The following ZBTB10 variants were observed in gnomAD, a reference collection of about 807,000 sequenced individuals.
The protein encoded by ZBTB10 is zinc finger and BTB domain containing 10.
ZBTB10 carries 32 observed loss-of-function variants against 76.4 expected under a neutral mutation model. That is an observed-to-expected ratio of 0.42 (90% CI 0.32 to 0.56). The LOEUF (loss-of-function observed/expected upper bound fraction) is 0.56. ZBTB10 is among the 20% of genes least tolerant of loss of function. The pLI, the probability that ZBTB10 is intolerant of heterozygous loss-of-function variation, is 0.14. For synonymous variants in ZBTB10, 523 were observed against 432.9 expected, an observed-to-expected ratio of 1.21 and a Z score of -2.58; for missense variants, 1,057 against 1,098.5, an observed-to-expected ratio of 0.96 and a Z score of 0.53.
chr8:80,485,735 G>A, upstream of ZBTB10: 2 of 1,506,102 alleles, frequency 1.3e-6, no homozygotes, highest in African/African-American at 1.4e-5. Context: ...TCTTTGTGAA[G>A]GAACAAAATA....
intron 2 of ZBTB10, among the ~76,000 whole-genome samples, chr8:80,504,990 G>A (rs988220786): frequency 6.6e-6 from 1 of 152,048 alleles, no homozygotes; most frequent in African/African-American, 2.4e-5. Flanking sequence ...CATGGAACAT[G>A]GTTTTCTGAG....
chr8:80,514,868 A>G (rs1038988257), intron 3 of ZBTB10, among the ~76,000 whole-genome samples: 1 of 152,324 alleles, frequency 6.6e-6, no homozygotes, highest in South Asian at 2.1e-4. Context: ...TTCTTGAGAA[A>G]CTGTTTAGCT....
chr8:80,493,211 A>ACT (rs1166230008), intron 1 of ZBTB10, among the ~76,000 whole-genome samples: 1 of 95,806 alleles, frequency 1.0e-5, no homozygotes, highest in African/African-American at 4.6e-5. Flanking sequence ...GCGCGCGCAC[A>ACT]CACACACACA....
At position 80,492,648 on chromosome 8, in the gene ZBTB10, T is replaced by G. The variant is rs563406118; in HGVS notation, c.972+4866T>G. ...CACATGCCACCATGCTAGGCTAATT[T>G]TTGTATTTCTAGTAGAGACGGGGTT... On this transcript the variant is annotated intron_variant, in intron 1 of 5. Coordinates refer to ENST00000455036, the MANE Select transcript of ZBTB10 (RefSeq NM_001105539.3). Among the ~76,000 whole-genome samples, 16 of 152,050 alleles carry G rather than the reference T, an allele frequency of 1.1e-4. No individual in the cohort carries two copies. In the East Asian group the frequency reaches 3.1e-3, roughly 30 times the overall value.
chr8:80,491,460 C>T (rs1275728374), intron 1 of ZBTB10, among the ~76,000 whole-genome samples: 1 of 152,154 alleles, frequency 6.6e-6, no homozygotes, highest in Admixed American at 6.5e-5. Flanking sequence ...AGGTTACTTT[C>T]CTCTAAGTAA....
rs1816412173 is a variant in ZBTB10, at chr8:80,519,714, A to G, written c.*186A>G. On this transcript the variant is annotated 3_prime_UTR_variant, in exon 6 of 6. Coordinates refer to ENST00000455036, the MANE Select transcript of ZBTB10 (RefSeq NM_001105539.3). ...TTTTTATATTTGCACAGGACTATAC[A>G]GCAAACAACCATGTGGTTGGATTAC... The G allele has an allele frequency of 1.9e-6, 1 of 534,662 alleles. No individual in the cohort carries two copies. Among genetic ancestry groups the G allele is most frequent in the Non-Finnish European group, 3.3e-6 (1 of 306,192 alleles). 33.1% of individuals were successfully genotyped at this position (534,662 alleles called of 1,614,324 possible). A position where few individuals can be genotyped will look rare whatever the true frequency, so the allele number is the denominator to read the frequency against.
At chr8:80,503,494 A>ATTT (rs1361616272) in intron 2 of ZBTB10, among the ~76,000 whole-genome samples, 1 of 149,532 alleles carries the variant, frequency 6.7e-6, no homozygotes, top group Non-Finnish European at 1.5e-5. Flanking sequence ...GAATAGTGTA[A>ATTT]TTTATTATTT....
At chr8:80,497,683 CTTTTTTTTT>C (rs397891910) in intron 1 of ZBTB10, among the ~76,000 whole-genome samples, 2 of 87,632 alleles carry the variant, frequency 2.3e-5, no homozygotes, top group African/African-American at 9.4e-5. Flanking sequence ...GTCCTGGAAT[CTTTTTTTTT>C]TTTTTTTTTT....
At chr8:80,513,279 A>G (rs1041873256) in intron 2 of ZBTB10, among the ~76,000 whole-genome samples, 3 of 152,102 alleles carry the variant, frequency 2.0e-5, no homozygotes, top group African/African-American at 7.2e-5. Context: ...AGTAGCTGGG[A>G]CTACAGGTGT....
intron 1 of ZBTB10, among the ~76,000 whole-genome samples, chr8:80,493,667 C>T (rs866267522): frequency 7.7e-6 from 1 of 130,408 alleles, no homozygotes; most frequent in Non-Finnish European, 1.7e-5. Flanking sequence ...AAAAACAAAA[C>T]AAAAAAAAAA....
chr8:80,486,231 C>T lies in ZBTB10; in HGVS notation c.-580C>T, dbSNP rs1395382803. The T allele has an allele frequency of 9.6e-7, 1 of 1,046,758 alleles. No individual in the cohort carries two copies. Among genetic ancestry groups the T allele is most frequent in the Non-Finnish European group, 1.1e-6 (1 of 871,030 alleles). 64.8% of individuals were successfully genotyped at this position (1,046,758 alleles called of 1,614,324 possible). A position where few individuals can be genotyped will look rare whatever the true frequency, so the allele number is the denominator to read the frequency against. On this transcript the variant is annotated 5_prime_UTR_variant, in exon 1 of 6. Transcript: ENST00000455036. Reference sequence around the variant, plus strand: ...GGGCGCACGGTCCGTTGTTCATTTGCCATTCGACCTCCGCCAGGGCCTGGT... The same window carrying T: ...GGGCGCACGGTCCGTTGTTCATTTGTCATTCGACCTCCGCCAGGGCCTGGT...
chr8:80,513,514 G>A (rs1816250712), intron 2 of ZBTB10, among the ~76,000 whole-genome samples: 1 of 152,162 alleles, frequency 6.6e-6, no homozygotes, highest in Admixed American at 6.5e-5. Flanking sequence ...TATACATCTA[G>A]TACTTACTAG....
chr8:80,517,166 A>C (rs1055422035), intron 3 of ZBTB10, among the ~76,000 whole-genome samples: 5 of 152,088 alleles, frequency 3.3e-5, no homozygotes, highest in Non-Finnish European at 7.4e-5. Context: ...TTGTAAGCTG[A>C]GTGGTGACCT....
chr8:80,507,613 CAAAAA>C (rs796205066), intron 2 of ZBTB10, among the ~76,000 whole-genome samples: 6 of 148,368 alleles, frequency 4.0e-5, no homozygotes, highest in Admixed American at 3.3e-4. Flanking sequence ...GACTCCATCT[CAAAAA>C]AAAAATCTCC....
intron 1 of ZBTB10, among the ~76,000 whole-genome samples, chr8:80,490,549 T>G (rs1194887346): frequency 6.6e-6 from 1 of 152,210 alleles, no homozygotes; most frequent in Non-Finnish European, 1.5e-5. Context: ...TTATTACTCA[T>G]TTTGATCACC....
intron 1 of ZBTB10, among the ~76,000 whole-genome samples, chr8:80,492,179 A>G (rs1815648319): frequency 6.6e-6 from 1 of 152,184 alleles, no homozygotes; most frequent in Admixed American, 6.5e-5. Flanking sequence ...TATATATTTT[A>G]CATTATTTAT....
Position 80,499,941 on chromosome 8 carries a change from T to G in ZBTB10, c.1420T>G (p.Ser474Ala). ...NISIKSEAPE[S>A]VVVDYNNRKP... ...AAGCATTAAATCAGAAGCTCCAGAG[T>G]CTGTAGTTGTGGACTATAATAATAG... The change falls in exon 2 of 6, where the codon TCT becomes GCT. Residue 474 changes from serine to alanine, a missense_variant. By Grantham distance (99) the Ser-to-Ala change is moderately conservative. Coordinates refer to ENST00000455036, the MANE Select transcript of ZBTB10 (RefSeq NM_001105539.3). 5.6e-6 allele frequency: 9 copies of G among 1,613,878 alleles called. No individual in the cohort carries two copies. Among genetic ancestry groups the G allele is most frequent in the Non-Finnish European group, 7.6e-6 (9 of 1,179,862 alleles).
At chr8:80,510,248 A>G (rs993403343) in intron 2 of ZBTB10, among the ~76,000 whole-genome samples, 14 of 152,294 alleles carry the variant, frequency 9.2e-5, no homozygotes, top group African/African-American at 2.9e-4. Context: ...ACGTGTGAAT[A>G]TACTTCTGCA....
rs1348890741 is a variant in ZBTB10 at position 80,518,817 on chromosome 8, C to T, written c.2173C>T (p.Pro725Ser). The change falls in exon 5 of 6, where the codon CCT becomes TCT. Residue 725 changes from proline to serine, a missense_variant. Pro to Ser is a moderately conservative substitution (Grantham distance 74). Around this residue, in one of 5 missense-constraint regions of ZBTB10, gnomAD observed 54 missense variants for 138.1 expected, o/e 0.39. Coordinates refer to ENST00000455036, the MANE Select transcript of ZBTB10 (RefSeq NM_001105539.3). ...TCTAATCATGAACAAGTTAAAATGC[C>T]CTCATTGTAGCTATGTAGCCAAATA... The part of the protein sequence containing the change: ...SSLIMNKLKC[P>S]HCSYVAKYRR... 2.5e-6 allele frequency: 4 copies of T among 1,612,130 alleles called. No individual in the cohort carries two copies. The highest frequency in any genetic ancestry group is 1.7e-6 in the Non-Finnish European group (2 of 1,179,234).
Sources: allele counts gnomAD v4.1 joint callset (sites outside exome capture counted in the v4.1 genomes callset), GRCh38; gene constraint gnomAD v4.1.1; regional missense constraint gnomAD v4.1.1; transcripts MANE v1.5; gene names NCBI Gene and HGNC (gene_info 2026-07-23, HGNC 2026-07-21).